FMNL2: variants seen among roughly 807,000 people sequenced by gnomAD.
FMNL2 encodes the protein formin like 2, also known as formin-like protein 2.
FMNL2 carries 51 observed loss-of-function variants against 130.2 expected under a neutral mutation model. That is an observed-to-expected ratio of 0.39 (90% CI 0.31 to 0.49). The LOEUF is 0.49. Ranked by LOEUF, FMNL2 falls within the 20% of genes least tolerant of loss-of-function variation. The probability of loss-of-function intolerance (pLI) is 0.85; values close to 1 mark genes in which losing one functional copy is unlikely to be tolerated. For missense variants in FMNL2, 977 were observed against 1,316.2 expected (o/e 0.74, Z 3.99); for synonymous variants, 465 against 467.1 (o/e 1.00, Z 0.06).
chr2:152,625,605 A>T, intron 16 of FMNL2, 43 bp downstream of exon 16: 1 of 1,569,276 alleles, frequency 6.4e-7, no homozygotes, highest in Non-Finnish European at 8.7e-7. Context: ...CACTCTGTGC[A>T]GCAAAGCCGG....
At chr2:152,418,506 C>T (rs1014034094) in intron 1 of FMNL2, among the ~76,000 whole-genome samples, 2 of 152,100 alleles carry the variant, frequency 1.3e-5, no homozygotes, top group African/African-American at 2.4e-5. Flanking sequence ...TTCTCAGTCC[C>T]CATGAATATG....
rs115246335 is a variant in FMNL2 at position 152,374,297 on chromosome 2, T to C, written c.117+38577T>C. Among the ~76,000 whole-genome samples the C allele has an allele frequency of 9.7e-3, 1,471 of 152,248 alleles. 33 individuals carry two copies. Among genetic ancestry groups the C allele is most frequent in the African/African-American group, 0.033 (1,383 of 41,544 alleles). ...ATTTTCTCAAGTGCTAAAAGGGAGA[T>C]ATGAACTATCCTGCTTGGCCTGTGG... On this transcript the variant is annotated intron_variant, in intron 1 of 25. Coordinates refer to ENST00000288670, the MANE Select transcript of FMNL2 (RefSeq NM_052905.4).
chr2:152,495,090 A>G (rs529456910), intron 1 of FMNL2, among the ~76,000 whole-genome samples: 1 of 152,172 alleles, frequency 6.6e-6, no homozygotes, highest in Non-Finnish European at 1.5e-5. Context: ...CGATTTGTCT[A>G]TGATGCTTGC....
rs71394490 is a variant in FMNL2, at chr2:152,543,729, C to CAAAAAA, written c.282+925_282+930dup. On this transcript the variant is annotated intron_variant, in intron 3 of 25. Coordinates refer to ENST00000288670, the MANE Select transcript of FMNL2 (RefSeq NM_052905.4). Reference sequence around the variant, plus strand: ...CTCCCCTCACCGCCCACCCCCCGACCAAAAAAAAAAAAAAAAAAAAGTCCA... The same window carrying CAAAAAA: ...CTCCCCTCACCGCCCACCCCCCGACCAAAAAAAAAAAAAAAAAAAAAAAAAAGTCCA... 3.0e-3 allele frequency among the ~76,000 whole-genome samples: 182 copies of CAAAAAA among 61,378 alleles called. 15 individuals are homozygous for CAAAAAA. The highest frequency in any genetic ancestry group is 3.6e-3 in the Non-Finnish European group (129 of 36,122). The allele number at this position is 61,378 out of a possible 152,430, so 40.3% of individuals were successfully genotyped here. A position where few individuals can be genotyped will look rare whatever the true frequency, so the allele number is the denominator to read the frequency against.
At chr2:152,454,427 A>T (rs764960862) in intron 1 of FMNL2, among the ~76,000 whole-genome samples, 7 of 151,840 alleles carry the variant, frequency 4.6e-5, no homozygotes, top group Non-Finnish European at 1.0e-4. Flanking sequence ...GATCTTGGAG[A>T]CACTAAGGTG....
chr2:152,613,964 T>C (rs565419572), intron 11 of FMNL2, among the ~76,000 whole-genome samples: 5 of 152,324 alleles, frequency 3.3e-5, no homozygotes, highest in Admixed American at 6.5e-5. Context: ...CTGATCTGCC[T>C]TGGGGAGCCC....
intron 4 of FMNL2, among the ~76,000 whole-genome samples, chr2:152,552,550 T>A (rs557084273): frequency 3.3e-4 from 51 of 152,360 alleles, no homozygotes; most frequent in Non-Finnish European, 2.8e-4. Context: ...TTCTGAGTTT[T>A]GATATAAGCC....
chr2:152,451,785 C>T (rs978071665), intron 1 of FMNL2, among the ~76,000 whole-genome samples: 5 of 152,260 alleles, frequency 3.3e-5, no homozygotes, highest in South Asian at 2.1e-4. Flanking sequence ...GGAAGAAGTA[C>T]AGCCACTGGA....
At chr2:152,600,997 A>C (rs1451018721) in intron 9 of FMNL2, among the ~76,000 whole-genome samples, 1 of 152,140 alleles carries the variant, frequency 6.6e-6, no homozygotes, top group Non-Finnish European at 1.5e-5. Context: ...TTCTATTGCC[A>C]TGCTAGATGA....
chr2:152,431,838 C>T (rs369241416), intron 1 of FMNL2, among the ~76,000 whole-genome samples: 1 of 151,802 alleles, frequency 6.6e-6, no homozygotes, highest in South Asian at 2.1e-4. Context: ...GTGGCACATG[C>T]GTGTAGTCCC....
intron 1 of FMNL2, among the ~76,000 whole-genome samples, chr2:152,388,327 A>G (rs577142189): frequency 2.0e-5 from 3 of 152,332 alleles, no homozygotes; most frequent in Non-Finnish European, 2.9e-5. Flanking sequence ...ATTGACTCAC[A>G]GTTCAGCATG....
At chr2:152,625,397 T>G (rs748405168) in intron 15 of FMNL2, 41 bp from the exon 16 acceptor site, 1 of 1,584,004 alleles carries the variant, frequency 6.3e-7, no homozygotes, top group Non-Finnish European at 8.7e-7. Flanking sequence ...GGTCGTAGGC[T>G]TTTGGTGGGA....
At chr2:152,552,077 T>G (rs1694967725) in intron 4 of FMNL2, among the ~76,000 whole-genome samples, 1 of 152,208 alleles carries the variant, frequency 6.6e-6, no homozygotes. Context: ...ATAAGTTATG[T>G]AAGTTTTCTG....
At chr2:152,618,146 C>G (rs866608232) in intron 13 of FMNL2, among the ~76,000 whole-genome samples, 1 of 152,152 alleles carries the variant, frequency 6.6e-6, no homozygotes, top group Non-Finnish European at 1.5e-5. Flanking sequence ...GGGCCCCCCC[C>G]TTATAAAAGG....
chr2:152,593,890 TGTGTGTGTGTGTGAGAGA>T (rs1697600310), intron 9 of FMNL2, among the ~76,000 whole-genome samples: 2 of 112,408 alleles, frequency 1.8e-5, no homozygotes, highest in South Asian at 3.0e-4. Context: ...TGTGTGTGTG[TGTGTGTGTGTGTGAGAGA>T]GAGAGAGAGA....
intron 1 of FMNL2, among the ~76,000 whole-genome samples, chr2:152,501,900 A>C (rs2105325982): frequency 6.6e-6 from 1 of 152,316 alleles, no homozygotes; most frequent in East Asian, 1.9e-4. Flanking sequence ...GTTCATTTAA[A>C]TTTCATAAGT....
chr2:152,489,111 G>C (rs1690999319), intron 1 of FMNL2, among the ~76,000 whole-genome samples: 1 of 152,212 alleles, frequency 6.6e-6, no homozygotes, highest in African/African-American at 2.4e-5. Flanking sequence ...GGGAGAATCT[G>C]TTCAGCATCC....
intron 1 of FMNL2, among the ~76,000 whole-genome samples, chr2:152,503,549 G>A (rs1376878799): frequency 2.0e-5 from 3 of 152,106 alleles, no homozygotes. Flanking sequence ...AGAATGTAAA[G>A]GAGCCTGACT....
In FMNL2 at chr2:152,642,919, G is replaced by C. The variant is rs566890427; in HGVS notation, c.3169+2005G>C. 8.5e-5 allele frequency among the ~76,000 whole-genome samples: 13 copies of C among 152,250 alleles called. No homozygotes were observed. The East Asian group carries it at 2.3e-3, about 27-fold the overall frequency. Reference sequence around the variant, plus strand: ...AGCTACTTGGGAGGCCGAGACAGGAGAATTGCTTGAACCTGGGAGGTGGAA... The same window carrying C: ...AGCTACTTGGGAGGCCGAGACAGGACAATTGCTTGAACCTGGGAGGTGGAA... On this transcript the variant is annotated intron_variant, in intron 25 of 25. Transcript: ENST00000288670.
Sources: gnomAD v4.1 joint callset for allele counts (sites outside exome capture counted in the v4.1 genomes callset) on GRCh38, gnomAD v4.1.1 for gene constraint, MANE v1.5 for transcripts, NCBI Gene and HGNC (gene_info 2026-07-23, HGNC 2026-07-21) for gene names.